Variants in C8orf34 observed in about 807,000 individuals in gnomAD.
The protein encoded by C8orf34 is uncharacterized protein C8orf34.
Under a neutral mutation model 68.3 loss-of-function variants are expected in C8orf34, and 65 were observed. The ratio of observed to expected loss-of-function variants is 0.95; its 90% CI spans 0.78 to 1.17. C8orf34 has a LOEUF of 1.17. C8orf34 is among the 50% of genes most tolerant of loss of function. C8orf34 has a pLI of 0.00. For missense variants in C8orf34, 664 were observed against 655.4 expected, an observed-to-expected ratio of 1.01 and a Z score of -0.14; for synonymous variants, 244 against 241.2, an observed-to-expected ratio of 1.01 and a Z score of -0.11.
At chr8:68,505,206 T>C (rs1336473481) in intron 5 of C8orf34, among the ~76,000 whole-genome samples, 1 of 152,216 alleles carries the variant, frequency 6.6e-6, no homozygotes, top group Non-Finnish European at 1.5e-5. Context: ...TTATGGTTTG[T>C]CTTTGAAATT....
intron 8 of C8orf34, among the ~76,000 whole-genome samples, chr8:68,660,900 A>G (rs920482952): frequency 6.7e-6 from 1 of 149,836 alleles, no homozygotes; most frequent in Admixed American, 6.7e-5. Context: ...AGCTACAAAA[A>G]GGGGGGGGAA....
intron 8 of C8orf34, among the ~76,000 whole-genome samples, chr8:68,656,854 A>G (rs1277342531): frequency 6.6e-6 from 1 of 152,166 alleles, no homozygotes; most frequent in Non-Finnish European, 1.5e-5. Context: ...TTCAGTCCTG[A>G]TATTTTCTAT....
intron 8 of C8orf34, among the ~76,000 whole-genome samples, chr8:68,675,135 G>A (rs948614676): frequency 6.6e-5 from 10 of 152,102 alleles, no homozygotes; most frequent in African/African-American, 2.4e-4. Flanking sequence ...CACCAGACCT[G>A]TTCCACAAGA....
Position 68,533,020 on chromosome 8 carries a change from C to A in C8orf34, c.976C>A (p.Gln326Lys). The change falls in exon 7 of 14, where the codon CAG becomes AAG. Residue 326 changes from glutamine to lysine, a missense_variant. Transcript: ENST00000518698. ...GCCTAAGAACAAAGGATTAAAACAG[C>A]AGCAACAGCAACATAAGAAACTCCT... ...MEPKNKGLKQ[Q>K]QQQHKKLLAA... is the part of the protein sequence containing the mutation. 1 of 1,608,058 alleles carries A rather than the reference C, an allele frequency of 6.2e-7. No homozygotes were observed. The highest frequency in any genetic ancestry group is 1.1e-5 in the South Asian group (1 of 90,782).
At chr8:68,397,589 T>C (rs1050434560) in intron 1 of C8orf34, among the ~76,000 whole-genome samples, 2 of 152,292 alleles carry the variant, frequency 1.3e-5, no homozygotes, top group Admixed American at 6.5e-5. Flanking sequence ...AATATTATCA[T>C]TGAACTTTTA....
In C8orf34 at chr8:68,464,367, A is replaced by G. The variant is rs1812003487; in HGVS notation, c.608-4325A>G. The stretch of plus-strand genomic sequence containing the variant: ...AAGAATCAAGATCGTGAAAATGGCC[A>G]TACTGCCCAAGGTAATTTATAGATT... On this transcript the variant is annotated intron_variant, in intron 3 of 13. Transcript: ENST00000518698. Among the ~76,000 whole-genome samples the G allele has an allele frequency of 9.9e-5, 15 of 152,270 alleles. No homozygotes were observed. In the South Asian group the frequency reaches 3.1e-3, roughly 32 times the overall value.
At chr8:68,425,916 T>C (rs1256125212) in intron 1 of C8orf34, among the ~76,000 whole-genome samples, 1 of 152,162 alleles carries the variant, frequency 6.6e-6, no homozygotes, top group African/African-American at 2.4e-5. Context: ...AGTAATTCAA[T>C]GGAGAAAGGA....
intron 12 of C8orf34, among the ~76,000 whole-genome samples, chr8:68,804,312 C>T (rs557620156): frequency 6.6e-6 from 1 of 152,164 alleles, no homozygotes; most frequent in Non-Finnish European, 1.5e-5. Flanking sequence ...TTATTCTGTA[C>T]TTTTCGGAGC....
chr8:68,585,502 T>C (rs960632333), intron 7 of C8orf34, among the ~76,000 whole-genome samples: 8 of 152,164 alleles, frequency 5.3e-5, no homozygotes, highest in Non-Finnish European at 1.2e-4. Flanking sequence ...TGCTGTCACT[T>C]ATGATATTAG....
At chr8:68,779,455 G>A (rs777209010) in intron 11 of C8orf34, among the ~76,000 whole-genome samples, 1 of 152,130 alleles carries the variant, frequency 6.6e-6, no homozygotes. Flanking sequence ...ATGGGAGTGC[G>A]AACTTACTGG....
rs147564265 is a variant in C8orf34 at position 68,450,032 on chromosome 8, T to G, written c.607+3572T>G. 4.6e-3 allele frequency among the ~76,000 whole-genome samples: 696 copies of G among 152,248 alleles called. 9 individuals carry two copies. Among genetic ancestry groups the G allele is most frequent in the African/African-American group, 0.015 (637 of 41,564 alleles). On this transcript the variant is annotated intron_variant, in intron 3 of 13. Transcript: ENST00000518698. ...AACTAAGTTGATGCAATATTTTAAGTTGATGCAGTATTTTAAGTCACTGCT... is the reference window on the plus strand; with the variant it reads ...AACTAAGTTGATGCAATATTTTAAGGTGATGCAGTATTTTAAGTCACTGCT...
In C8orf34 at chr8:68,420,105, C is replaced by T. The variant is rs902109757; in HGVS notation, c.328-19394C>T. The stretch of plus-strand genomic sequence containing the variant: ...AGGAGAAGATAGAAATTCAGGAAAG[C>T]GAGCATTGCATTTGGGGCTACTTTT... On this transcript the variant is annotated intron_variant, in intron 1 of 13. Coordinates refer to ENST00000518698, the MANE Select transcript of C8orf34 (RefSeq NM_052958.4). 9.3e-5 allele frequency among the ~76,000 whole-genome samples: 14 copies of T among 150,514 alleles called. No individual in the cohort carries two copies. The South Asian group carries it at 1.9e-3, about 20-fold the overall frequency.
chr8:68,528,812 G>C (rs915913686), intron 6 of C8orf34, among the ~76,000 whole-genome samples: 1 of 152,170 alleles, frequency 6.6e-6, no homozygotes, highest in African/African-American at 2.4e-5. Context: ...TAATGACTCT[G>C]TTTCCCATTT....
At chr8:68,600,375 A>G (rs1034622327) in intron 7 of C8orf34, among the ~76,000 whole-genome samples, 2 of 152,124 alleles carry the variant, frequency 1.3e-5, no homozygotes, top group South Asian at 4.1e-4. Context: ...GATTTTTAAA[A>G]CTCATGAAAA....
At position 68,606,948 on chromosome 8, in the gene C8orf34, T is replaced by C. The variant is rs558736918; in HGVS notation, c.1106-33428T>C. 2.0e-5 allele frequency among the ~76,000 whole-genome samples: 3 copies of C among 152,238 alleles called. No individual in the cohort carries two copies. The East Asian group carries it at 5.8e-4, about 29-fold the overall frequency. On this transcript the variant is annotated intron_variant, in intron 7 of 13. Coordinates refer to ENST00000518698, the MANE Select transcript of C8orf34 (RefSeq NM_052958.4). ...CTCCATGTGTCTATCCTCAAAGCAC[T>C]CTGGCCACAGGAGTAAAATGTTGCA...
At chr8:68,554,471 G>A (rs1816187704) in intron 7 of C8orf34, among the ~76,000 whole-genome samples, 1 of 152,112 alleles carries the variant, frequency 6.6e-6, no homozygotes, top group Non-Finnish European at 1.5e-5. Flanking sequence ...CTTGTTAAAT[G>A]TGATTAAATG....
At chr8:68,471,057 T>C in intron 4 of C8orf34, among the ~76,000 whole-genome samples, 1 of 152,026 alleles carries the variant, frequency 6.6e-6, no homozygotes, top group South Asian at 2.1e-4. Flanking sequence ...GATACAGGTA[T>C]AGGACATTAC....
intron 5 of C8orf34, among the ~76,000 whole-genome samples, chr8:68,498,058 C>T (rs1813609181): frequency 6.6e-6 from 1 of 152,112 alleles, no homozygotes; most frequent in Non-Finnish European, 1.5e-5. Flanking sequence ...GACCTCCCGA[C>T]CGCAGGTGAT....
chr8:68,561,715 G>A (rs185915539), intron 7 of C8orf34, among the ~76,000 whole-genome samples: 14 of 152,246 alleles, frequency 9.2e-5, no homozygotes, highest in Admixed American at 6.5e-4. Context: ...CCAAGACTGC[G>A]ACACTGCATT....
Sources: allele counts gnomAD v4.1 joint callset (sites outside exome capture counted in the v4.1 genomes callset), GRCh38; gene constraint gnomAD v4.1.1; transcripts MANE v1.5; gene names NCBI Gene and HGNC (gene_info 2026-07-23, HGNC 2026-07-21).